The following TMEFF2 variants were observed in gnomAD, a reference collection of about 807,000 sequenced individuals.
TMEFF2 encodes transmembrane protein with EGF like and two follistatin like domains 2, also known as tomoregulin-2.
TMEFF2 carries 28 observed loss-of-function variants against 53.8 expected under a neutral mutation model. The observed-to-expected ratio is 0.52, with a 90% CI of 0.39 to 0.71. The LOEUF (loss-of-function observed/expected upper bound fraction) is 0.71. Ranked by LOEUF, TMEFF2 falls within the 30% of genes least tolerant of loss-of-function variation. The pLI, the probability that TMEFF2 is intolerant of heterozygous loss-of-function variation, is 0.00. For missense variants in TMEFF2, 353 were observed against 455.2 expected, an observed-to-expected ratio of 0.78 and a Z score of 2.04; for synonymous variants, 162 against 166.3, an observed-to-expected ratio of 0.97 and a Z score of 0.20.
intron 4 of TMEFF2, among the ~76,000 whole-genome samples, chr2:192,105,485 C>A (rs879742620): frequency 1.3e-4 from 19 of 151,826 alleles, no homozygotes; most frequent in Middle Eastern, 3.2e-3. Context: ...TCACAACCAC[C>A]CTTCGAAGAA....
At chr2:191,997,616 AC>A (rs1686254119) in intron 7 of TMEFF2, among the ~76,000 whole-genome samples, 2 of 151,618 alleles carry the variant, frequency 1.3e-5, no homozygotes, top group South Asian at 4.2e-4. Flanking sequence ...TCAGTTGTAT[AC>A]CCATGAATTA....
At position 191,955,463 on chromosome 2, in the gene TMEFF2, C is replaced by G. The variant is rs903082438; in HGVS notation, c.869+792G>C. Among the ~76,000 whole-genome samples, 5 of 146,060 alleles carry G rather than the reference C, an allele frequency of 3.4e-5. No individual in the cohort carries two copies. In the East Asian group the frequency reaches 1.0e-3, roughly 30 times the overall value. ...TCCTGGGCTCAAGGGATCATCCCAT[C>G]TCAGCTCTCAAGTAGCTCCTGGACT... On this transcript the variant is annotated intron_variant, in intron 8 of 9. Transcript: ENST00000272771.
rs940738150 is a variant in TMEFF2 at position 191,995,919 on chromosome 2, C to T, written c.745+2343G>A. Among the ~76,000 whole-genome samples, 5 of 151,584 alleles carry T rather than the reference C, an allele frequency of 3.3e-5. No homozygotes were observed. The East Asian group carries it at 9.7e-4, about 29-fold the overall frequency. ...AGAGTTTGCAGGATAAATCTGACAC[C>T]AAACTAGAAGATCCTGGACTACAAT... On this transcript the variant is annotated intron_variant, in intron 7 of 9. Transcript: ENST00000272771.
rs187203068 is a variant in TMEFF2, at chr2:192,007,756, A to C, written c.537-8548T>G. 5.5e-3 allele frequency among the ~76,000 whole-genome samples: 841 copies of C among 152,288 alleles called. 4 individuals carry two copies. Among genetic ancestry groups the C allele is most frequent in the Non-Finnish European group, 8.7e-3 (592 of 68,012 alleles). On this transcript the variant is annotated intron_variant, in intron 5 of 9. Coordinates refer to ENST00000272771, the MANE Select transcript of TMEFF2 (RefSeq NM_016192.4). ...AAAGATGGCGCTAGCAGTAGAGTGCAGGCAGAGGGACTAGTTCCCAGGCTA... is the reference window on the plus strand; with the variant it reads ...AAAGATGGCGCTAGCAGTAGAGTGCCGGCAGAGGGACTAGTTCCCAGGCTA...
At chr2:192,121,735 T>C (rs1224930226) in intron 4 of TMEFF2, among the ~76,000 whole-genome samples, 1 of 152,130 alleles carries the variant, frequency 6.6e-6, no homozygotes, top group Non-Finnish European at 1.5e-5. Context: ...ACAGTTGTCA[T>C]TTTTCTAGCA....
At chr2:192,008,081 C>T (rs546496288) in intron 5 of TMEFF2, among the ~76,000 whole-genome samples, 3 of 152,170 alleles carry the variant, frequency 2.0e-5, no homozygotes, top group Non-Finnish European at 2.9e-5. Flanking sequence ...TTTCTGCCCT[C>T]ACTATTGGGA....
intron 5 of TMEFF2, among the ~76,000 whole-genome samples, chr2:192,002,596 A>G (rs1574282098): frequency 6.6e-6 from 1 of 152,044 alleles, no homozygotes; most frequent in Admixed American, 6.6e-5. Flanking sequence ...CTGGGAGGCC[A>G]AGGTGGGCGG....
chr2:192,000,413 T>C (rs1404917490), intron 5 of TMEFF2, among the ~76,000 whole-genome samples: 1 of 152,168 alleles, frequency 6.6e-6, no homozygotes, highest in Non-Finnish European at 1.5e-5. Context: ...TAGTAAATTG[T>C]GGAATAAGGT....
intron 4 of TMEFF2, among the ~76,000 whole-genome samples, chr2:192,116,508 G>A (rs1689410036): frequency 6.6e-6 from 1 of 151,758 alleles, no homozygotes; most frequent in Admixed American, 6.6e-5. Context: ...TAAGCAAAAT[G>A]AAAATAAATG....
At chr2:192,088,191 TA>T (rs1439470924) in intron 4 of TMEFF2, among the ~76,000 whole-genome samples, 2 of 120,520 alleles carry the variant, frequency 1.7e-5, no homozygotes, top group Non-Finnish European at 3.9e-5. Context: ...ATCAAATAGT[TA>T]TTTTTTTTTT....
chr2:191,964,404 CTT>C (rs1491093894), intron 7 of TMEFF2, among the ~76,000 whole-genome samples: 3 of 74,526 alleles, frequency 4.0e-5, no homozygotes, highest in African/African-American at 1.9e-4. Flanking sequence ...CTTTCTCTTT[CTT>C]TCTTTCTTTC....
At chr2:192,029,795 G>A (rs1291180030) in intron 5 of TMEFF2, among the ~76,000 whole-genome samples, 2 of 152,136 alleles carry the variant, frequency 1.3e-5, no homozygotes, top group African/African-American at 4.8e-5. Context: ...TGCATGTTGA[G>A]ATAGATAACA....
intron 4 of TMEFF2, among the ~76,000 whole-genome samples, chr2:192,126,805 C>G (rs13000806): frequency 1.3e-5 from 2 of 152,038 alleles, no homozygotes; most frequent in African/African-American, 4.8e-5. Context: ...TCCTTCTTCA[C>G]TACGTGGAGT....
chr2:192,089,256 C>T (rs1688734607), intron 4 of TMEFF2, among the ~76,000 whole-genome samples: 1 of 150,752 alleles, frequency 6.6e-6, no homozygotes, highest in Non-Finnish European at 1.5e-5. Context: ...GGCCTTTTTC[C>T]TCAATCCCAC....
chr2:192,108,254 CA>C (rs1385542797), intron 4 of TMEFF2, among the ~76,000 whole-genome samples: 5 of 151,714 alleles, frequency 3.3e-5, no homozygotes, highest in African/African-American at 1.2e-4. Context: ...TACAACAAAA[CA>C]AAAAGTAGCT....
chr2:192,118,284 T>C (rs764378660), intron 4 of TMEFF2, among the ~76,000 whole-genome samples: 3 of 152,058 alleles, frequency 2.0e-5, no homozygotes, highest in Non-Finnish European at 4.4e-5. Context: ...TTCAATTGAC[T>C]ACCTACAGCA....
At chr2:192,170,778 A>G (rs1559155951) in intron 4 of TMEFF2, among the ~76,000 whole-genome samples, 1 of 152,060 alleles carries the variant, frequency 6.6e-6, no homozygotes, top group Non-Finnish European at 1.5e-5. Context: ...AAGATTTTTC[A>G]GAACTAGTTT....
At chr2:192,144,916 T>C (rs1177919145) in intron 4 of TMEFF2, among the ~76,000 whole-genome samples, 2 of 151,950 alleles carry the variant, frequency 1.3e-5, no homozygotes, top group Non-Finnish European at 2.9e-5. Flanking sequence ...AATGTAAGAT[T>C]TGGGAGTTTT....
chr2:192,052,703 A>G (rs1287585384), intron 5 of TMEFF2, among the ~76,000 whole-genome samples: 1 of 152,150 alleles, frequency 6.6e-6, no homozygotes, highest in African/African-American at 2.4e-5. Context: ...GTATAAATGT[A>G]TTAGTTTTGA....
Sources: allele counts gnomAD v4.1 joint callset (sites outside exome capture counted in the v4.1 genomes callset), GRCh38; gene constraint gnomAD v4.1.1; transcripts MANE v1.5; gene names NCBI Gene and HGNC (gene_info 2026-07-23, HGNC 2026-07-21).